The following WWOX variants were observed in gnomAD, a reference collection of about 807,000 sequenced individuals.
WWOX encodes the protein WW domain containing oxidoreductase.
A neutral mutation model predicts 46.2 loss-of-function variants in WWOX; 69 were observed. The observed-to-expected ratio is 1.49, with a 90% CI of 1.23 to 1.82. The LOEUF (loss-of-function observed/expected upper bound fraction) is 1.82. WWOX is among the 40% of genes most tolerant of loss of function. The pLI, the probability that WWOX is intolerant of heterozygous loss-of-function variation, is 0.00. For synonymous variants in WWOX, 359 were observed against 202.6 expected (o/e 1.77, Z -6.56); for missense variants, 919 against 542.6 (o/e 1.69, Z -6.89).
chr16:78,883,830 CTGTT>C (rs769889732), intron 8 of WWOX, among the ~76,000 whole-genome samples: 22 of 152,158 alleles, frequency 1.4e-4, no homozygotes, highest in South Asian at 4.1e-4. Context: ...TCTGTGTACT[CTGTT>C]TGTAAGTTTC....
At chr16:78,185,062 C>G (rs1441546617) in intron 5 of WWOX, among the ~76,000 whole-genome samples, 1 of 152,158 alleles carries the variant, frequency 6.6e-6, no homozygotes, top group Non-Finnish European at 1.5e-5. Context: ...GACCCTCGCT[C>G]TGGCTCAAAA....
intron 8 of WWOX, among the ~76,000 whole-genome samples, chr16:79,031,921 T>C (rs552584092): frequency 1.6e-5 from 1 of 60,696 alleles, no homozygotes; most frequent in Admixed American, 2.4e-4. Flanking sequence ...GATATCTATA[T>C]ATATAGATAT....
intron 8 of WWOX, among the ~76,000 whole-genome samples, chr16:78,704,700 T>C (rs1396367535): frequency 6.6e-6 from 1 of 152,160 alleles, no homozygotes; most frequent in East Asian, 1.9e-4. Flanking sequence ...TGTGTAATAG[T>C]AAGCAGACAG....
intron 8 of WWOX, among the ~76,000 whole-genome samples, chr16:78,964,688 T>C (rs1317284808): frequency 1.3e-5 from 2 of 152,228 alleles, no homozygotes; most frequent in Non-Finnish European, 2.9e-5. Context: ...AATGTTAATC[T>C]CGAAGACCAT....
chr16:78,414,029 C>T (rs1036947181), intron 6 of WWOX, among the ~76,000 whole-genome samples: 1 of 151,970 alleles, frequency 6.6e-6, no homozygotes, highest in Non-Finnish European at 1.5e-5. Flanking sequence ...GACATTCCAT[C>T]AGTGTGATTT....
chr16:78,228,607 G>T (rs1400072182), intron 5 of WWOX, among the ~76,000 whole-genome samples: 1 of 152,186 alleles, frequency 6.6e-6, no homozygotes, highest in Non-Finnish European at 1.5e-5. Context: ...CTCCCAAAGT[G>T]CTGGGATTAC....
intron 8 of WWOX, among the ~76,000 whole-genome samples, chr16:78,572,662 A>G (rs1451747115): frequency 6.6e-6 from 1 of 151,724 alleles, no homozygotes; most frequent in Non-Finnish European, 1.5e-5. Context: ...GTATGATTCA[A>G]TTTATAGAAA....
chr16:78,526,201 C>G (rs2667615), intron 8 of WWOX: 127,147 of 152,200 alleles, frequency 0.84, 54,079 homozygotes, highest in East Asian at 1. Flanking sequence ...TAGGGAGTAG[C>G]GGGGCAGAAG....
chr16:78,335,164 A>G (rs2080859211), intron 5 of WWOX, among the ~76,000 whole-genome samples: 1 of 152,196 alleles, frequency 6.6e-6, no homozygotes, highest in African/African-American at 2.4e-5. Context: ...GTACATGTGT[A>G]AGATGTGCAA....
At chr16:79,185,763 G>A (rs17730134) in intron 8 of WWOX, among the ~76,000 whole-genome samples, 75,932 of 151,976 alleles carry the variant, frequency 0.5, 20,597 homozygotes, top group African/African-American at 0.71. Context: ...AGAAATGAGA[G>A]TGAGGATAAA....
chr16:78,152,139 G>A (rs578204085), intron 4 of WWOX, among the ~76,000 whole-genome samples: 1 of 151,258 alleles, frequency 6.6e-6, no homozygotes, highest in Non-Finnish European at 1.5e-5. Flanking sequence ...GAAGTGAGCC[G>A]AGATCGCGCC....
intron 8 of WWOX, among the ~76,000 whole-genome samples, chr16:78,636,067 G>C (rs2046560588): frequency 1.3e-5 from 2 of 152,168 alleles, no homozygotes. Flanking sequence ...TGTTTTCCTA[G>C]GAGAGACATC....
At chr16:78,980,581 C>G (rs2046661046) in intron 8 of WWOX, among the ~76,000 whole-genome samples, 1 of 152,172 alleles carries the variant, frequency 6.6e-6, no homozygotes, top group South Asian at 2.1e-4. Flanking sequence ...CTTTTACCAT[C>G]TCTCAGGATC....
intron 8 of WWOX, among the ~76,000 whole-genome samples, chr16:78,644,349 C>A (rs952377457): frequency 9.2e-5 from 14 of 152,286 alleles, no homozygotes; most frequent in South Asian, 4.2e-4. Context: ...ATGTCACCTC[C>A]CTCCTCTATG....
At chr16:78,750,224 A>C (rs1161247718) in intron 8 of WWOX, among the ~76,000 whole-genome samples, 1 of 152,198 alleles carries the variant, frequency 6.6e-6, no homozygotes, top group Non-Finnish European at 1.5e-5. Context: ...CCCACTGCCC[A>C]GGTCAGCTGG....
intron 4 of WWOX, among the ~76,000 whole-genome samples, chr16:78,145,589 C>G (rs2034170662): frequency 6.6e-6 from 1 of 152,148 alleles, no homozygotes; most frequent in African/African-American, 2.4e-5. Flanking sequence ...GTGGGTCTGT[C>G]TCTCTTCATC....
At chr16:78,932,662 A>G (rs1259790940) in intron 8 of WWOX, among the ~76,000 whole-genome samples, 3 of 152,196 alleles carry the variant, frequency 2.0e-5, no homozygotes, top group South Asian at 2.1e-4. Context: ...TCTGGGGTGA[A>G]TTCCCCCCAT....
intron 6 of WWOX, among the ~76,000 whole-genome samples, chr16:78,418,520 C>G (rs1164459008): frequency 6.6e-6 from 1 of 152,134 alleles, no homozygotes; most frequent in African/African-American, 2.4e-5. Context: ...AACTTTAGGT[C>G]ACTTTCACTT....
chr16:78,707,214 G>C (rs118081520), intron 8 of WWOX, among the ~76,000 whole-genome samples: 1,952 of 152,154 alleles, frequency 0.013, 19 homozygotes, highest in South Asian at 0.036. Context: ...TCCCATCAGA[G>C]CACCATCAGT....
Sources: allele counts gnomAD v4.1 joint callset (sites outside exome capture counted in the v4.1 genomes callset), GRCh38; gene constraint gnomAD v4.1.1; transcripts MANE v1.5; gene names NCBI Gene and HGNC (gene_info 2026-07-23, HGNC 2026-07-21).